The following SAMD4B variants were observed in gnomAD, a reference collection of about 807,000 sequenced individuals.
SAMD4B encodes the protein sterile alpha motif domain containing 4B, also known as protein Smaug homolog 2.
SAMD4B carries 5 observed loss-of-function variants against 74.5 expected under a neutral mutation model. That is an observed-to-expected ratio of 0.07 (90% confidence interval 0.04 to 0.14). The LOEUF (loss-of-function observed/expected upper bound fraction) is 0.14, where lower values mean the gene tolerates loss of function less well. Among genes scored for constraint, SAMD4B ranks in the 10% least tolerant of loss-of-function variants. SAMD4B has a pLI of 1.00. For synonymous variants in SAMD4B, 373 were observed against 374.9 expected (o/e 1.00, Z 0.06); for missense variants, 608 against 921.8 (o/e 0.66, Z 4.41).
chr19:39,390,457 AATTT>A (rs1330668106), downstream of SAMD4B, among the ~76,000 whole-genome samples: 1 of 152,196 alleles, frequency 6.6e-6, no homozygotes, highest in African/African-American at 2.4e-5. Flanking sequence ...ACAAATGTTC[AATTT>A]ATTTAGGAAG....
intron 1 of SAMD4B, among the ~76,000 whole-genome samples, 173 bp from the exon 2 acceptor site, chr19:39,353,833 C>T (rs773092337): frequency 6.6e-6 from 1 of 152,138 alleles, no homozygotes; most frequent in Non-Finnish European, 1.5e-5. Flanking sequence ...AACTCCTGAC[C>T]TCAAGTGATC....
intron 3 of SAMD4B, among the ~76,000 whole-genome samples, chr19:39,368,658 G>A (rs1395288979): frequency 6.6e-6 from 1 of 152,182 alleles, no homozygotes; most frequent in Non-Finnish European, 1.5e-5. Context: ...AAATGCATCT[G>A]GATGTATGGG....
At chr19:39,345,168 G>T (rs2075619586) in intron 1 of SAMD4B, among the ~76,000 whole-genome samples, 2 of 152,172 alleles carry the variant, frequency 1.3e-5, no homozygotes. Flanking sequence ...CCTTTAGGAG[G>T]ATTTCCTTTT....
downstream of SAMD4B, chr19:39,386,626 G>A (rs2078256668): frequency 3.1e-6 from 5 of 1,605,792 alleles, no homozygotes; most frequent in Admixed American, 5.0e-5. The surrounding 1 kb of genome is among the most constrained non-coding windows in gnomAD (Gnocchi z 6.1). Context: ...CTGGGTTTTT[G>A]TCCCCCTCCT....
chr19:39,361,459 AC>A (rs1224522134), intron 3 of SAMD4B, among the ~76,000 whole-genome samples: 2 of 151,066 alleles, frequency 1.3e-5, no homozygotes, highest in East Asian at 1.9e-4. Context: ...TACTAAAAAT[AC>A]AAAAAATTAG....
intron 1 of SAMD4B, among the ~76,000 whole-genome samples, chr19:39,352,644 C>T (rs1031481700): frequency 1.3e-5 from 2 of 152,066 alleles, no homozygotes; most frequent in African/African-American, 4.8e-5. Context: ...TTGTTCAAAG[C>T]CTGGCCTTGT....
chr19:39,384,630 ACTGT>A lies in SAMD4B; in HGVS notation c.*1107_*1110del, dbSNP rs1337560559. 2.0e-5 allele frequency: 3 copies of A among 152,534 alleles called. No homozygotes were observed. The highest frequency in any genetic ancestry group is 6.6e-5 in the Admixed American group (1 of 15,264). The allele number at this position is 152,534 out of a possible 1,614,324, so 9.4% of individuals were successfully genotyped here. A position where few individuals can be genotyped will look rare whatever the true frequency, so the allele number is the denominator to read the frequency against. On this transcript the variant is annotated 3_prime_UTR_variant, in exon 14 of 14. Transcript: ENST00000610417. Reference sequence around the variant, plus strand: ...TCGTCCCAGCCCCAGAGTCCGACAGACTGTCTGGTCCCTATTCCTAATGAGGGGT... The same window carrying A: ...TCGTCCCAGCCCCAGAGTCCGACAGACTGGTCCCTATTCCTAATGAGGGGT...
chr19:39,367,324 G>A (rs1231547399), intron 3 of SAMD4B, among the ~76,000 whole-genome samples: 4 of 152,054 alleles, frequency 2.6e-5, no homozygotes, highest in Non-Finnish European at 2.9e-5. Flanking sequence ...TCATCACCTT[G>A]GCTACAGATG....
chr19:39,342,800 C>T (rs536780679), intron 1 of SAMD4B, among the ~76,000 whole-genome samples: 26 of 151,836 alleles, frequency 1.7e-4, no homozygotes, highest in African/African-American at 4.3e-4. Flanking sequence ...CCGAAGCTTC[C>T]CTCCGAAATC....
chr19:39,387,016 C>A, downstream of SAMD4B: 1 of 605,894 alleles, frequency 1.7e-6, no homozygotes, highest in Admixed American at 2.7e-5. Flanking sequence ...TTTGGTTGCC[C>A]TACACTGTGT....
chr19:39,389,913 T>G, downstream of SAMD4B: 1 of 1,134,906 alleles, frequency 8.8e-7, no homozygotes, highest in South Asian at 1.3e-5. The surrounding 1 kb of genome is among the most constrained non-coding windows in gnomAD (Gnocchi z 5.3). Context: ...GGGAAGGGAC[T>G]TGGACACTGC....
rs1600597491 is a variant in SAMD4B at position 39,383,797 on chromosome 19, C to T, written c.*270C>T. The T allele has an allele frequency of 6.9e-6, 9 of 1,307,678 alleles. No individual in the cohort carries two copies. The South Asian group carries it at 7.9e-5, about 11-fold the overall frequency. The allele number at this position is 1,307,678 out of a possible 1,614,324, so 81.0% of individuals were successfully genotyped here. On this transcript the variant is annotated 3_prime_UTR_variant, in exon 14 of 14. Coordinates refer to ENST00000610417, the MANE Select transcript of SAMD4B (RefSeq NM_001384574.2). This position sits in a 1 kb window ranked among gnomAD's most constrained non-coding sequence, Gnocchi z 4.1. ...ACTGGCCAGACTGCCTGCCTCTCTC[C>T]TTTCCTTCCTCATCCCCACCTGGTC... is the stretch of plus-strand genomic sequence containing the variant.
intron 3 of SAMD4B, among the ~76,000 whole-genome samples, chr19:39,359,479 AT>A (rs1261877444): frequency 1.3e-5 from 2 of 152,148 alleles, no homozygotes; most frequent in Non-Finnish European, 2.9e-5. Flanking sequence ...CAACTTTGTC[AT>A]TGTTTTGTCT....
chr19:39,377,900 A>G, intron 8 of SAMD4B, 76 bp downstream of exon 8: 1 of 1,378,174 alleles, frequency 7.3e-7, no homozygotes, highest in South Asian at 1.3e-5. Context: ...GATCAAATCC[A>G]AGTTCGATGG....
intron 3 of SAMD4B, among the ~76,000 whole-genome samples, chr19:39,359,339 A>G (rs969704410): frequency 2.0e-5 from 3 of 152,228 alleles, no homozygotes; most frequent in Non-Finnish European, 4.4e-5. Context: ...TTTTGTTTTC[A>G]GAACTTGCAG....
chr19:39,361,169 A>G (rs1027533810), intron 3 of SAMD4B, among the ~76,000 whole-genome samples: 2 of 152,154 alleles, frequency 1.3e-5, no homozygotes, highest in Non-Finnish European at 2.9e-5. Context: ...TTCTTTTGGG[A>G]GAGGCCCAGC....
chr19:39,353,925 T>C (rs1324106630), intron 1 of SAMD4B, 81 bp from the exon 2 acceptor site: 1 of 152,188 alleles, frequency 6.6e-6, no homozygotes, highest in Non-Finnish European at 1.5e-5. Context: ...TTTTAATAGA[T>C]ACGTTATATC....
chr19:39,386,370 T>A (rs1309682943), downstream of SAMD4B: 1 of 1,613,998 alleles, frequency 6.2e-7, no homozygotes, highest in Non-Finnish European at 8.5e-7. The surrounding 1 kb of genome is among the most constrained non-coding windows in gnomAD (Gnocchi z 6.1). Context: ...ACTGCCCTCC[T>A]TCTCACTGCT....
intron 2 of SAMD4B, among the ~76,000 whole-genome samples, chr19:39,354,704 C>T (rs143486675): frequency 6.6e-6 from 1 of 152,070 alleles, no homozygotes; most frequent in Admixed American, 6.6e-5. Context: ...CAGGGAAGCT[C>T]TCTCTGAAGA....
Sources: gnomAD v4.1 joint callset for allele counts (sites outside exome capture counted in the v4.1 genomes callset) on GRCh38, gnomAD v4.1.1 for gene constraint, Gnocchi (gnomAD v3.1) non-coding constraint, MANE v1.5 for transcripts, NCBI Gene and HGNC (gene_info 2026-07-23, HGNC 2026-07-21) for gene names.